Variants in UQCRHL observed in about 807,000 individuals in gnomAD.
The protein encoded by UQCRHL is cytochrome b-c1 complex subunit 6-like, mitochondrial.
A neutral mutation model predicts 2.2 loss-of-function variants in UQCRHL; 1 was observed. That is an observed-to-expected ratio of 0.46 (90% CI 0.16 to 2.18). The LOEUF (loss-of-function observed/expected upper bound fraction) is 2.18. Among genes scored for constraint, UQCRHL ranks in the 30% most tolerant of loss-of-function variants. The pLI is 0.27. For missense variants in UQCRHL, 114 were observed against 108.6 expected, an observed-to-expected ratio of 1.05 and a Z score of -0.22; for synonymous variants, 46 against 44.6, an observed-to-expected ratio of 1.03 and a Z score of -0.13.
chr1:15,807,455 C>G, exon 1 of UQCRHL: 1 of 1,614,164 alleles, frequency 6.2e-7, no homozygotes, highest in Non-Finnish European at 8.5e-7. Flanking sequence ...CCGTGCAATC[C>G]TCTTCTGTAT....
rs368450105 is a variant in UQCRHL at position 15,807,510 on chromosome 1, C to T, written c.140G>A (p.Arg47Gln). Residue 47 changes from arginine to glutamine, a missense_variant, in exon 1 of 1, where the codon CGG becomes CAG. Physicochemically the swap from Arg to Gln is conservative, Grantham distance 43. Transcript: ENST00000483273. The stretch of plus-strand genomic sequence containing the variant: ...CTCATCATAGAGCTCTAGCCGCTCC[C>T]GGGCCTTTACACATTTCTCCAACTG... The T allele has an allele frequency of 3.3e-4, 527 of 1,614,006 alleles. 1 individual carries two copies. The highest frequency in any genetic ancestry group is 4.3e-4 in the Non-Finnish European group (506 of 1,180,030).
At chr1:15,807,539 G>A (rs771694840) in exon 1 of UQCRHL, 17 of 1,613,982 alleles carry the variant, frequency 1.1e-5, no homozygotes, top group African/African-American at 5.3e-5. Context: ...CCAACTGCTC[G>A]CATTGCTCTC....
chr1:15,807,468 G>A (rs865890612), exon 1 of UQCRHL: 10 of 1,614,028 alleles, frequency 6.2e-6, no homozygotes, highest in Non-Finnish European at 7.6e-6. Flanking sequence ...TTCTGTATGT[G>A]ATCGAGAGGA....
exon 1 of UQCRHL, chr1:15,807,403 C>T (rs768373842): frequency 6.2e-7 from 1 of 1,614,080 alleles, no homozygotes; most frequent in Non-Finnish European, 8.5e-7. Context: ...AGTTTGTGGG[C>T]CACGCAATGG....
At chr1:15,807,634 C>G (rs61738972) in exon 1 of UQCRHL, 5 of 1,614,060 alleles carry the variant, frequency 3.1e-6, no homozygotes, top group Admixed American at 1.7e-5. Flanking sequence ...ATCTTTTGCT[C>G]GTCCTCCAGT....
rs1001393216 is a variant in UQCRHL at position 15,807,536 on chromosome 1, C to G, written c.114G>C (p.Glu38Asp). Reference sequence around the variant, plus strand: ...GGGCCTTTACACATTTCTCCAACTGCTCGCATTGCTCTCTCACTGTTGTTA... The same window carrying G: ...GGGCCTTTACACATTTCTCCAACTGGTCGCATTGCTCTCTCACTGTTGTTA... Residue 38 changes from glutamate (E) to aspartate (D), a missense_variant, in exon 1 of 1, where the codon GAG becomes GAC. Transcript: ENST00000483273. The G allele has an allele frequency of 3.1e-6, 5 of 1,614,052 alleles. No homozygotes were observed. In the African/African-American group the frequency reaches 6.7e-5, roughly 22 times the overall value.
chr1:15,807,519 A>G (rs2069939390), exon 1 of UQCRHL: 5 of 1,614,006 alleles, frequency 3.1e-6, no homozygotes, highest in Non-Finnish European at 4.2e-6. Context: ...CCGGGCCTTT[A>G]CACATTTCTC....
At chr1:15,807,412 G>T in exon 1 of UQCRHL, 1 of 1,614,136 alleles carries the variant, frequency 6.2e-7, no homozygotes, top group Non-Finnish European at 8.5e-7. Flanking sequence ...GCCACGCAAT[G>T]GTCCTTTGCA....
exon 1 of UQCRHL, chr1:15,807,569 C>T (rs1295279980): frequency 5.0e-6 from 8 of 1,614,010 alleles, no homozygotes; most frequent in Non-Finnish European, 6.8e-6. Context: ...TTAGGGGATC[C>T]ACTAATTCCT....
the UQCRHL span, chr1:15,807,418 T>TTTTTTGTG: frequency 6.2e-7 from 1 of 1,614,040 alleles, no homozygotes; most frequent in East Asian, 2.2e-5. Context: ...CAATGGTCCT[T>TTTTTTGTG]TGCATGCAAG....
chr1:15,807,635 G>T, exon 1 of UQCRHL: 1 of 1,613,998 alleles, frequency 6.2e-7, no homozygotes, highest in Non-Finnish European at 8.5e-7. Context: ...TCTTTTGCTC[G>T]TCCTCCAGTC....
exon 1 of UQCRHL, chr1:15,807,452 ATCC>A: frequency 2.5e-6 from 4 of 1,614,148 alleles, no homozygotes; most frequent in Non-Finnish European, 2.5e-6. Context: ...CCTCCGTGCA[ATCC>A]TCTTCTGTAT....
rs375167157 is a variant in UQCRHL at position 15,807,507 on chromosome 1, T to C, written c.143A>G (p.Glu48Gly). Residue 48 changes from glutamate to glycine, a missense_variant, in exon 1 of 1, where the codon GAG becomes GGG. Transcript: ENST00000483273. Reference sequence around the variant, plus strand: ...ATGCTCATCATAGAGCTCTAGCCGCTCCCGGGCCTTTACACATTTCTCCAA... The same window carrying C: ...ATGCTCATCATAGAGCTCTAGCCGCCCCCGGGCCTTTACACATTTCTCCAA... 6.8e-5 allele frequency: 109 copies of C among 1,614,000 alleles called. No homozygotes were observed. The highest frequency in any genetic ancestry group is 9.0e-5 in the Non-Finnish European group (106 of 1,180,032).
rs1312278838 is a variant in UQCRHL at position 15,807,621 on chromosome 1, A to G, written c.29T>C (p.Leu10Pro). Residue 10 changes from leucine (L) to proline (P), a missense_variant, in exon 1 of 1, where the codon CTT (leucine) becomes CCT (proline). Transcript: ENST00000483273. ...CTCCTCAGGATCTCCGGATTCGGTAAGCATCTTTTGCTCGTCCTCCAGTCC... is the reference window on the plus strand; with the variant it reads ...CTCCTCAGGATCTCCGGATTCGGTAGGCATCTTTTGCTCGTCCTCCAGTCC... The G allele has an allele frequency of 2.5e-6, 4 of 1,614,004 alleles. No individual in the cohort carries two copies. The highest frequency in any genetic ancestry group is 2.7e-5 in the African/African-American group (2 of 74,908).
At chr1:15,807,464 A>G (rs1264758035) in exon 1 of UQCRHL, 2 of 1,614,138 alleles carry the variant, frequency 1.2e-6, no homozygotes, top group Non-Finnish European at 8.5e-7. Flanking sequence ...CCTCTTCTGT[A>G]TGTGATCGAG....
exon 1 of UQCRHL, chr1:15,807,471 C>A: frequency 6.2e-7 from 1 of 1,614,120 alleles, no homozygotes; most frequent in Non-Finnish European, 8.5e-7. Context: ...TGTATGTGAT[C>A]GAGAGGATAC....
At chr1:15,807,628 T>C in exon 1 of UQCRHL, 2 of 1,614,170 alleles carry the variant, frequency 1.2e-6, no homozygotes, top group Non-Finnish European at 1.7e-6. Flanking sequence ...GTAAGCATCT[T>C]TTGCTCGTCC....
At chr1:15,807,428 G>C (rs759001530) in exon 1 of UQCRHL, 1 of 1,614,200 alleles carries the variant, frequency 6.2e-7, no homozygotes, top group Admixed American at 1.7e-5. Flanking sequence ...TTGCATGCAA[G>C]AAGTCAAAGA....
exon 1 of UQCRHL, chr1:15,807,635 G>A (rs373188682): frequency 5.9e-5 from 96 of 1,613,998 alleles, no homozygotes; most frequent in South Asian, 1.9e-4. Context: ...TCTTTTGCTC[G>A]TCCTCCAGTC....
Sources: allele counts gnomAD v4.1 joint callset, GRCh38; gene constraint gnomAD v4.1.1; transcripts MANE v1.5; gene names NCBI Gene and HGNC (gene_info 2026-07-23, HGNC 2026-07-21).